FCRL1: variants seen among roughly 807,000 people sequenced by gnomAD.
The protein encoded by FCRL1 is Fc receptor like 1, also known as Fc receptor-like protein 1.
In FCRL1, 34 loss-of-function variants were observed where a neutral mutation model predicts 49.2. The ratio of observed to expected loss-of-function variants is 0.69; its 90% CI spans 0.53 to 0.92. The LOEUF is 0.92. Ranked by LOEUF, FCRL1 falls within the 40% of genes least tolerant of loss-of-function variation. FCRL1 has a pLI of 0.00. For missense variants in FCRL1, 524 were observed against 524.1 expected (o/e 1.00, Z 0.00); for synonymous variants, 218 against 201.6 (o/e 1.08, Z -0.69).
intron 1 of FCRL1, among the ~76,000 whole-genome samples, chr1:157,809,389 A>AT (rs202134059): frequency 5.3e-5 from 8 of 151,486 alleles, no homozygotes; most frequent in African/African-American, 9.7e-5. Context: ...AAATTAATTA[A>AT]TTTAAAAAAA....
chr1:157,807,176 CA>C, intron 1 of FCRL1, 54 bp from the exon 2 acceptor site: 1 of 1,596,578 alleles, frequency 6.3e-7, no homozygotes, highest in Non-Finnish European at 8.5e-7. Context: ...CACAAATCTC[CA>C]AAGTTTAAAT....
intron 2 of FCRL1, among the ~76,000 whole-genome samples, chr1:157,804,424 A>G (rs1047628129): frequency 5.9e-5 from 9 of 152,220 alleles, no homozygotes; most frequent in Non-Finnish European, 1.5e-5. Context: ...TGAAGCCAGT[A>G]CAATAATACT....
rs1018021100 is a variant in FCRL1, at chr1:157,802,650, C to T, written c.334G>A (p.Asp112Asn). 11 of 1,613,122 alleles carry T rather than the reference C, an allele frequency of 6.8e-6. No individual in the cohort carries two copies. The highest frequency in any genetic ancestry group is 1.1e-5 in the South Asian group (1 of 90,926). ...GGGGGCTGAGTCTCCAAGCTCACAT[C>T]AGCGACAGGGACCCCTGTGTGGACA... ...QINVHRVPVA[D>N]VSLETQPPGG... The change falls in exon 4 of 11, where the codon GAT (aspartate) becomes AAT (asparagine). Residue 112 changes from aspartate (D) to asparagine (N), a missense_variant. Physicochemically the swap from Asp to Asn is conservative, Grantham distance 23. Transcript: ENST00000368176.
Position 157,804,118 on chromosome 1 carries a change from A to G in FCRL1, c.53-7T>C. 1 of 1,612,380 alleles carries G rather than the reference A, an allele frequency of 6.2e-7. No individual in the cohort carries two copies. On this transcript the variant is annotated splice_region_variant and splice_polypyrimidine_tract_variant and intron_variant, in intron 2 of 10. Transcript: ENST00000368176. ...CTGGCTATCAAAAACAGCTCTAGAG[A>G]GAGGAATTAAACACAAATGATTAAT...
At chr1:157,801,795 C>T in intron 5 of FCRL1, 120 bp downstream of exon 5, 1 of 1,237,918 alleles carries the variant, frequency 8.1e-7, no homozygotes, top group Non-Finnish European at 1.1e-6. Context: ...ATGACAGCAC[C>T]TCACACAGAG....
Position 157,796,080 on chromosome 1 carries a change from A to C in FCRL1, c.*19T>G. The C allele has an allele frequency of 6.2e-7, 1 of 1,609,512 alleles. No individual in the cohort carries two copies. The highest frequency in any genetic ancestry group is 8.5e-7 in the Non-Finnish European group (1 of 1,175,830). ...TTGGGGTCATGGATGGTTTTCAAAG[A>C]GCAGAATCTTCCATAACCTTACATA... is the stretch of plus-strand genomic sequence containing the variant. On this transcript the variant is annotated 3_prime_UTR_variant, in exon 11 of 11. Coordinates refer to ENST00000368176, the MANE Select transcript of FCRL1 (RefSeq NM_052938.5).
intron 1 of FCRL1, among the ~76,000 whole-genome samples, chr1:157,817,584 A>G (rs1655213177): frequency 6.6e-6 from 1 of 152,104 alleles, no homozygotes; most frequent in Admixed American, 6.6e-5. Flanking sequence ...AGGAGAAAAC[A>G]TTGGGGAAAG....
chr1:157,796,984 G>C, intron 10 of FCRL1, 117 bp downstream of exon 10: 1 of 910,280 alleles, frequency 1.1e-6, no homozygotes, highest in Admixed American at 2.0e-5. Flanking sequence ...TGGGATGTAG[G>C]GAAGAGGTAG....
chr1:157,809,207 G>T (rs1189456501), intron 1 of FCRL1, among the ~76,000 whole-genome samples: 2 of 152,066 alleles, frequency 1.3e-5, no homozygotes, highest in South Asian at 2.1e-4. Context: ...TTGGGGAAGT[G>T]AGTATGGATG....
chr1:157,802,222 A>T, intron 4 of FCRL1, 29 bp from the exon 5 acceptor site: 1 of 1,597,648 alleles, frequency 6.3e-7, no homozygotes, highest in South Asian at 1.1e-5. Flanking sequence ...TGTAAGAGAC[A>T]GTCTCTGACA....
intron 1 of FCRL1, among the ~76,000 whole-genome samples, chr1:157,815,502 GAAGA>G (rs762881079): frequency 6.6e-6 from 1 of 151,774 alleles, no homozygotes; most frequent in Non-Finnish European, 1.5e-5. Flanking sequence ...ATCAAAAATA[GAAGA>G]AAGATCTAAA....
intron 1 of FCRL1, among the ~76,000 whole-genome samples, chr1:157,810,981 A>G (rs1023407576): frequency 6.6e-6 from 1 of 151,964 alleles, no homozygotes; most frequent in Non-Finnish European, 1.5e-5. Flanking sequence ...AGATTTTGCT[A>G]TGTTGCCCAG....
At position 157,794,803 on chromosome 1, in the gene FCRL1, C is replaced by A. The variant is rs1390187623; in HGVS notation, c.*1296G>T. 1 of 151,774 alleles carries A rather than the reference C, an allele frequency of 6.6e-6. No homozygotes were observed. Among genetic ancestry groups the A allele is most frequent in the African/African-American group, 2.4e-5 (1 of 41,298 alleles). The allele number at this position is 151,774 out of a possible 1,614,324, so 9.4% of individuals were successfully genotyped here. On this transcript the variant is annotated 3_prime_UTR_variant, in exon 11 of 11. Coordinates refer to ENST00000368176, the MANE Select transcript of FCRL1 (RefSeq NM_052938.5). ...ATCAATTTTATGTTGTGCATATTTACTACAATAAAAAAAGAAAAAAGTTAT... is the reference window on the plus strand; with the variant it reads ...ATCAATTTTATGTTGTGCATATTTAATACAATAAAAAAAGAAAAAAGTTAT...
chr1:157,798,127 C>T (rs769911012), intron 8 of FCRL1, 34 bp downstream of exon 8: 7 of 1,590,928 alleles, frequency 4.4e-6, no homozygotes, highest in Non-Finnish European at 5.2e-6. Flanking sequence ...GCTTGCTGTA[C>T]CATCGTTGGC....
intron 1 of FCRL1, among the ~76,000 whole-genome samples, chr1:157,814,092 T>C (rs1241345842): frequency 6.6e-6 from 1 of 152,114 alleles, no homozygotes; most frequent in Non-Finnish European, 1.5e-5. Context: ...TAAGAGAGTG[T>C]TCCAGCCAGA....
Position 157,803,288 on chromosome 1 carries a change from C to T in FCRL1, c.319+557G>A, listed in dbSNP as rs576682937. 5.9e-5 allele frequency among the ~76,000 whole-genome samples: 9 copies of T among 152,204 alleles called. No homozygotes were observed. The East Asian group carries it at 1.3e-3, about 23-fold the overall frequency. On this transcript the variant is annotated intron_variant, in intron 3 of 10. Transcript: ENST00000368176. ...AGTATTAGACATTTGCTTCATGGCA[C>T]GACAGAATGGGAGAGGATGTTGGAA...
intron 1 of FCRL1, among the ~76,000 whole-genome samples, chr1:157,816,510 G>C (rs1226507396): frequency 1.3e-5 from 2 of 151,850 alleles, no homozygotes; most frequent in African/African-American, 2.4e-5. Context: ...AAAGTTGAAA[G>C]CATTTCTCTA....
intron 1 of FCRL1, among the ~76,000 whole-genome samples, chr1:157,809,463 G>A (rs911549905): frequency 6.6e-6 from 1 of 152,058 alleles, no homozygotes; most frequent in Non-Finnish European, 1.5e-5. Flanking sequence ...AAATGATTTG[G>A]GGGAGATGGA....
At chr1:157,815,056 A>G (rs1026387410) in intron 1 of FCRL1, among the ~76,000 whole-genome samples, 3 of 151,998 alleles carry the variant, frequency 2.0e-5, no homozygotes, top group African/African-American at 4.8e-5. Context: ...ATCCAGATGG[A>G]AAATCAACAA....
Sources: allele counts gnomAD v4.1 joint callset (sites outside exome capture counted in the v4.1 genomes callset), GRCh38; gene constraint gnomAD v4.1.1; transcripts MANE v1.5; gene names NCBI Gene and HGNC (gene_info 2026-07-23, HGNC 2026-07-21).